Variants in IL1RAPL2 observed in about 807,000 individuals in gnomAD.
The protein encoded by IL1RAPL2 is interleukin 1 receptor accessory protein like 2.
A neutral mutation model predicts 44.1 loss-of-function variants in IL1RAPL2; 3 were observed. The ratio of observed to expected loss-of-function variants is 0.07; its 90% CI spans 0.03 to 0.18. IL1RAPL2 has a LOEUF of 0.18. Ranked by LOEUF, IL1RAPL2 falls within the 10% of genes least tolerant of loss-of-function variation. The pLI is 1.00. For missense variants in IL1RAPL2, 391 were observed against 496.4 expected (o/e 0.79, Z 2.02); for synonymous variants, 181 against 178.8 (o/e 1.01, Z -0.10).
intron 5 of IL1RAPL2, among the ~76,000 whole-genome samples, chrX:105,280,318 T>C (rs1404909468): frequency 9.0e-6 from 1 of 111,660 alleles, no homozygotes; most frequent in Non-Finnish European, 1.9e-5. Context: ...CCTAGGACCA[T>C]AAAAGTCCTA....
intron 2 of IL1RAPL2, among the ~76,000 whole-genome samples, chrX:104,884,555 C>A (rs943233631): frequency 9.7e-6 from 1 of 103,165 alleles, no homozygotes; most frequent in Non-Finnish European, 2.0e-5. Flanking sequence ...CAATTTGACC[C>A]GCAAACCCTG....
chrX:104,710,890 G>A (rs2147557674), intron 2 of IL1RAPL2, among the ~76,000 whole-genome samples: 1 of 111,266 alleles, frequency 9.0e-6, no homozygotes, highest in South Asian at 3.7e-4. Context: ...ATGCTTGATA[G>A]TGATTATAAA....
intron 2 of IL1RAPL2, among the ~76,000 whole-genome samples, chrX:105,090,942 AG>A (rs2032537069): frequency 8.9e-6 from 1 of 111,914 alleles, no homozygotes; most frequent in Non-Finnish European, 1.9e-5. Flanking sequence ...GTGAGGACTC[AG>A]GATCCAGCTG....
intron 2 of IL1RAPL2, among the ~76,000 whole-genome samples, chrX:105,100,442 T>G (rs1029677181): frequency 4.5e-5 from 5 of 111,513 alleles, no homozygotes; most frequent in African/African-American, 1.3e-4. Flanking sequence ...AAGTGAGAGG[T>G]CTGGTGACCT....
intron 2 of IL1RAPL2, among the ~76,000 whole-genome samples, chrX:104,675,033 T>G (rs1216046731): frequency 4.1e-4 from 46 of 111,270 alleles, no homozygotes; most frequent in African/African-American, 1.5e-3. Context: ...ATTTTGTTGA[T>G]CCTTTCAAAA....
intron 2 of IL1RAPL2, among the ~76,000 whole-genome samples, chrX:104,665,734 T>C (rs955694191): frequency 4.0e-4 from 45 of 111,536 alleles, no homozygotes; most frequent in Non-Finnish European, 7.4e-4. Flanking sequence ...AAATCATATT[T>C]TTAAATACTG....
chrX:105,676,251 G>A (rs1188597597), intron 6 of IL1RAPL2: 1 of 112,010 alleles, frequency 8.9e-6, no homozygotes, highest in Non-Finnish European at 1.9e-5. Context: ...CTGGTAGAAA[G>A]TAATGAGCTC....
intron 4 of IL1RAPL2, among the ~76,000 whole-genome samples, chrX:105,246,729 T>A (rs1412590997): frequency 8.9e-6 from 1 of 111,835 alleles, no homozygotes; most frequent in Non-Finnish European, 1.9e-5. Context: ...AATGTGACTT[T>A]CTCAAGTTTT....
chrX:105,442,398 A>C (rs1166354351), intron 5 of IL1RAPL2, among the ~76,000 whole-genome samples: 3 of 111,372 alleles, frequency 2.7e-5, no homozygotes, highest in African/African-American at 9.8e-5. Context: ...CAGGGGTATA[A>C]AAATGTGCAG....
intron 5 of IL1RAPL2, among the ~76,000 whole-genome samples, chrX:105,379,932 A>C (rs1296673103): frequency 2.7e-5 from 3 of 111,035 alleles, no homozygotes; most frequent in Non-Finnish European, 5.7e-5. Context: ...TACAAGAGTG[A>C]CTCCTAACCT....
chrX:104,622,352 G>C (rs1271825913), intron 1 of IL1RAPL2, among the ~76,000 whole-genome samples: 1 of 110,625 alleles, frequency 9.0e-6, no homozygotes, highest in Non-Finnish European at 1.9e-5. Flanking sequence ...GAAGAAAGAT[G>C]TTTGCTCTGG....
chrX:104,674,490 T>C (rs1930697905), intron 2 of IL1RAPL2, among the ~76,000 whole-genome samples: 1 of 112,051 alleles, frequency 8.9e-6, no homozygotes, highest in Non-Finnish European at 1.9e-5. Flanking sequence ...GCTTCTGGAT[T>C]CGTTTTGCCA....
At chrX:105,096,934 C>T (rs960236870) in intron 2 of IL1RAPL2, among the ~76,000 whole-genome samples, 5 of 111,100 alleles carry the variant, frequency 4.5e-5, no homozygotes, top group South Asian at 3.8e-4. Flanking sequence ...GAAAAAAATA[C>T]GGACAATACA....
At chrX:105,667,935 A>G (rs748492104) in intron 6 of IL1RAPL2, among the ~76,000 whole-genome samples, 1 of 110,594 alleles carries the variant, frequency 9.0e-6, no homozygotes, top group East Asian at 2.9e-4. Context: ...ACTAACATGC[A>G]TCTTTCCTAT....
At chrX:104,694,688 T>C (rs1931148659) in intron 2 of IL1RAPL2, among the ~76,000 whole-genome samples, 1 of 111,518 alleles carries the variant, frequency 9.0e-6, no homozygotes, top group Non-Finnish European at 1.9e-5. Context: ...ACACGCAAGA[T>C]AGGTTTGGGT....
chrX:105,355,262 T>C (rs2035193111), intron 5 of IL1RAPL2, among the ~76,000 whole-genome samples: 1 of 111,697 alleles, frequency 9.0e-6, no homozygotes, highest in Admixed American at 9.6e-5. Context: ...GCCTCATCTC[T>C]TCCTACTTTT....
intron 2 of IL1RAPL2, among the ~76,000 whole-genome samples, chrX:104,785,462 C>T (rs544192229): frequency 1.8e-5 from 2 of 111,732 alleles, no homozygotes; most frequent in African/African-American, 6.5e-5. Context: ...TTAATTTAGC[C>T]TATGTTGGTG....
intron 7 of IL1RAPL2, among the ~76,000 whole-genome samples, chrX:105,738,779 C>T (rs749387450): frequency 9.0e-6 from 1 of 110,710 alleles, no homozygotes; most frequent in South Asian, 3.9e-4. Context: ...ATAACCCAAG[C>T]AATTCAGCCC....
At chrX:105,409,826 A>AGATAGATAGATAGATAGAT (rs2035679587) in intron 5 of IL1RAPL2, among the ~76,000 whole-genome samples, 2 of 94,967 alleles carry the variant, frequency 2.1e-5, no homozygotes, top group Non-Finnish European at 4.3e-5. Flanking sequence ...ATAGATAGAT[A>AGATAGATAGATAGATAGAT]GATAGATAGA....
Sources: allele counts gnomAD v4.1 joint callset (sites outside exome capture counted in the v4.1 genomes callset), GRCh38; gene constraint gnomAD v4.1.1; transcripts MANE v1.5; gene names NCBI Gene and HGNC (gene_info 2026-07-23, HGNC 2026-07-21).